The following MARCHF11 variants were observed in gnomAD, a reference collection of about 807,000 sequenced individuals.
MARCHF11 encodes E3 ubiquitin-protein ligase MARCHF11.
MARCHF11 carries 29 observed loss-of-function variants against 37.3 expected under a neutral mutation model. The ratio of observed to expected loss-of-function variants is 0.78; its 90% CI spans 0.58 to 1.06. The LOEUF (loss-of-function observed/expected upper bound fraction) is 1.06. MARCHF11 is among the 50% of genes least tolerant of loss of function. The pLI, the probability that MARCHF11 is intolerant of heterozygous loss-of-function variation, is 0.00. For synonymous variants in MARCHF11, 233 were observed against 228.0 expected (o/e 1.02, Z -0.20); for missense variants, 482 against 533.4 (o/e 0.90, Z 0.95).
chr5:16,141,467 C>A (rs142239850), intron 2 of MARCHF11: 1 of 152,180 alleles, frequency 6.6e-6, no homozygotes, highest in African/African-American at 2.4e-5. Context: ...TCCCAAGAAG[C>A]GCACAGTGTC....
At chr5:16,103,946 C>T (rs1736998201) in intron 2 of MARCHF11, among the ~76,000 whole-genome samples, 1 of 152,144 alleles carries the variant, frequency 6.6e-6, no homozygotes, top group Non-Finnish European at 1.5e-5. Context: ...GAATCCTAGG[C>T]AGATGCCATG....
At position 16,177,845 on chromosome 5, in the gene MARCHF11, C is replaced by T; in HGVS notation, c.574G>A (p.Val192Ile). Residue 192 changes from valine to isoleucine, a missense_variant, in exon 2 of 4, where the codon GTT becomes ATT. Physicochemically the swap from Val to Ile is conservative, Grantham distance 29. Coordinates refer to ENST00000332432, the MANE Select transcript of MARCHF11 (RefSeq NM_001102562.3). ...AGGCACAGCTGATGTGTATACCGAACTGACCCATCACATCGGCAGGGGTTC... is the reference window on the plus strand; with the variant it reads ...AGGCACAGCTGATGTGTATACCGAATTGACCCATCACATCGGCAGGGGTTC... The part of the protein sequence containing the change: ...LLNPCRCDGS[V>I]RYTHQLCLLK... 1 of 1,612,652 alleles carries T rather than the reference C, an allele frequency of 6.2e-7. No individual in the cohort carries two copies. The highest frequency in any genetic ancestry group is 8.5e-7 in the Non-Finnish European group (1 of 1,179,296).
intron 2 of MARCHF11, among the ~76,000 whole-genome samples, chr5:16,115,101 G>T (rs1221253294): frequency 1.3e-5 from 2 of 152,146 alleles, no homozygotes; most frequent in African/African-American, 2.4e-5. Flanking sequence ...AATCTTGACT[G>T]CAGTATCATT....
intron 2 of MARCHF11, among the ~76,000 whole-genome samples, chr5:16,109,887 C>T (rs1177531166): frequency 6.6e-6 from 1 of 152,148 alleles, no homozygotes; most frequent in East Asian, 1.9e-4. Context: ...AGTGAAGTGT[C>T]GTGAGTATAG....
chr5:16,068,812 T>C (rs905447991), intron 3 of MARCHF11, among the ~76,000 whole-genome samples: 12 of 152,218 alleles, frequency 7.9e-5, no homozygotes, highest in African/African-American at 2.7e-4. Context: ...GGAAGAGCTC[T>C]TCTCTTTGAG....
chr5:16,128,205 G>A (rs1185891601), intron 2 of MARCHF11, among the ~76,000 whole-genome samples: 1 of 152,060 alleles, frequency 6.6e-6, no homozygotes, highest in Non-Finnish European at 1.5e-5. Context: ...TATTTATCTG[G>A]TGAAGCACCA....
chr5:16,108,596 A>C (rs941686527), intron 2 of MARCHF11, among the ~76,000 whole-genome samples: 27 of 152,122 alleles, frequency 1.8e-4, no homozygotes, highest in African/African-American at 6.3e-4. Flanking sequence ...GATGAGGCCC[A>C]GAGGACCAGA....
At chr5:16,129,403 A>G (rs2126582970) in intron 2 of MARCHF11, 1 of 152,306 alleles carries the variant, frequency 6.6e-6, no homozygotes, top group African/African-American at 2.4e-5. Flanking sequence ...CCCAGAATAA[A>G]GCGTGTCTTT....
intron 3 of MARCHF11, among the ~76,000 whole-genome samples, chr5:16,080,039 A>G (rs538994003): frequency 1.3e-5 from 2 of 152,300 alleles, no homozygotes; most frequent in African/African-American, 4.8e-5. Flanking sequence ...TAAAGTAAAC[A>G]AACAAAAACC....
At chr5:16,075,254 G>A (rs1274994860) in intron 3 of MARCHF11, among the ~76,000 whole-genome samples, 1 of 152,152 alleles carries the variant, frequency 6.6e-6, no homozygotes, top group Non-Finnish European at 1.5e-5. Context: ...TGGCAAACCT[G>A]AGCTTAAAGC....
In MARCHF11 at chr5:16,109,490, G is replaced by A. The variant is rs145805135; in HGVS notation, c.694-18409C>T. Among the ~76,000 whole-genome samples, 689 of 152,334 alleles carry A rather than the reference G, an allele frequency of 4.5e-3. 1 individual carries two copies. The highest frequency in any genetic ancestry group is 7.0e-3 in the Non-Finnish European group (474 of 68,018). On this transcript the variant is annotated intron_variant, in intron 2 of 3. Coordinates refer to ENST00000332432, the MANE Select transcript of MARCHF11 (RefSeq NM_001102562.3). The stretch of plus-strand genomic sequence containing the variant: ...TGGAGCTGCCCGGAGGATGGTGCCC[G>A]GAGAGGGCATGCAAGCTCTGTGTGC...
chr5:16,173,565 T>G (rs1373668668), intron 2 of MARCHF11, among the ~76,000 whole-genome samples: 1 of 152,176 alleles, frequency 6.6e-6, no homozygotes, highest in Non-Finnish European at 1.5e-5. Flanking sequence ...AAATGCTGAT[T>G]CATTCATCAT....
chr5:16,115,841 G>C (rs1364107796), intron 2 of MARCHF11, among the ~76,000 whole-genome samples: 1 of 152,040 alleles, frequency 6.6e-6, no homozygotes, highest in East Asian at 1.9e-4. Flanking sequence ...TGGCCAGGCT[G>C]GTCTCAAACT....
intron 2 of MARCHF11, 103 bp downstream of exon 2, chr5:16,177,623 T>G: frequency 1.0e-6 from 1 of 982,966 alleles, no homozygotes; most frequent in Non-Finnish European, 1.4e-6. Context: ...TTTCACAAAA[T>G]GTTTTTAAGT....
chr5:16,085,864 C>T lies in MARCHF11; in HGVS notation c.886+5025G>A, dbSNP rs1052744278. ...CTGAGGCAGGATAATGGCATGAACC[C>T]GGGAGGTGGAGCTTGCAGTGAGCCG... On this transcript the variant is annotated intron_variant, in intron 3 of 3. Transcript: ENST00000332432. Among the ~76,000 whole-genome samples the T allele has an allele frequency of 4.5e-5, 6 of 132,512 alleles. No homozygotes were observed. In the East Asian group the frequency reaches 7.3e-4, roughly 16 times the overall value. The allele number at this position is 132,512 out of a possible 152,430, so 86.9% of individuals were successfully genotyped here.
At chr5:16,069,386 G>A (rs1171801725) in intron 3 of MARCHF11, among the ~76,000 whole-genome samples, 2 of 152,028 alleles carry the variant, frequency 1.3e-5, no homozygotes, top group Admixed American at 6.6e-5. Context: ...ATTGGGAAGT[G>A]GCTTCAAAGA....
intron 2 of MARCHF11, among the ~76,000 whole-genome samples, chr5:16,140,161 G>A (rs989890729): frequency 6.6e-6 from 1 of 151,832 alleles, no homozygotes; most frequent in African/African-American, 2.4e-5. Flanking sequence ...AGCCATAATG[G>A]GCTGAGAGGA....
chr5:16,164,831 TC>T (rs1738143305), intron 2 of MARCHF11, among the ~76,000 whole-genome samples: 1 of 152,090 alleles, frequency 6.6e-6, no homozygotes, highest in Non-Finnish European at 1.5e-5. Context: ...CACCATTTTG[TC>T]CCTTTTGTCC....
Position 16,122,697 on chromosome 5 carries a change from C to T in MARCHF11, c.694-31616G>A, listed in dbSNP as rs528413620. 2.0e-4 allele frequency among the ~76,000 whole-genome samples: 31 copies of T among 152,268 alleles called. No individual in the cohort carries two copies. In the South Asian group the frequency reaches 5.8e-3, roughly 28 times the overall value. ...CACGTGCTGCAGTGGCCCTCAGCCT[C>T]GCCACCCACTCCTTCCTAGTTACAG... On this transcript the variant is annotated intron_variant, in intron 2 of 3. Coordinates refer to ENST00000332432, the MANE Select transcript of MARCHF11 (RefSeq NM_001102562.3).
Sources: allele counts gnomAD v4.1 joint callset (sites outside exome capture counted in the v4.1 genomes callset), GRCh38; gene constraint gnomAD v4.1.1; transcripts MANE v1.5; gene names NCBI Gene and HGNC (gene_info 2026-07-23, HGNC 2026-07-21).